Variants in LYPD1 observed in about 807,000 individuals in gnomAD.
LYPD1 encodes ly6/PLAUR domain-containing protein 1.
A neutral mutation model predicts 14.2 loss-of-function variants in LYPD1; 14 were observed. The ratio of observed to expected loss-of-function variants is 0.99; its 90% CI spans 0.65 to 1.54. LYPD1 has a LOEUF of 1.54. Among genes scored for constraint, LYPD1 ranks in the 40% most tolerant of loss-of-function variants. LYPD1 has a pLI of 0.00. For synonymous variants in LYPD1, 85 were observed against 70.6 expected (o/e 1.20, Z -1.02); for missense variants, 165 against 175.7 (o/e 0.94, Z 0.34).
chr2:132,670,133 G>C lies in LYPD1; in HGVS notation c.-201C>G, dbSNP rs1029539131. The stretch of plus-strand genomic sequence containing the variant: ...CGCCCGCGCTCGGGCTCCCGGCTGC[G>C]GGTCTCTGCTCCTCCCGCTCGCGCT... On this transcript the variant is annotated 5_prime_UTR_variant, in exon 1 of 3. Coordinates refer to ENST00000397463, the MANE Select transcript of LYPD1 (RefSeq NM_144586.7). This position sits in a 1 kb window ranked among gnomAD's most constrained non-coding sequence, Gnocchi z 4.5. 3.6e-6 allele frequency: 5 copies of C among 1,400,334 alleles called. No homozygotes were observed. Among genetic ancestry groups the C allele is most frequent in the Admixed American group, 3.2e-5 (1 of 30,974 alleles). 86.7% of individuals were successfully genotyped at this position (1,400,334 alleles called of 1,614,324 possible).
intron 2 of LYPD1, among the ~76,000 whole-genome samples, chr2:132,666,313 T>C (rs1683269676): frequency 6.6e-6 from 1 of 152,204 alleles, no homozygotes; most frequent in Non-Finnish European, 1.5e-5. Flanking sequence ...CCCTGGACAT[T>C]GCTCTTTTGA....
rs769557799 is a variant in LYPD1 at position 132,645,150 on chromosome 2, G to A, written c.*895C>T. On this transcript the variant is annotated 3_prime_UTR_variant, in exon 3 of 3. Transcript: ENST00000397463. ...TATGCTGGATGCCCAACCAGATTCG[G>A]AGGATCATGGCTGCGGCCAAACCCA... 39 of 1,614,038 alleles carry A rather than the reference G, an allele frequency of 2.4e-5. No homozygotes were observed. Among genetic ancestry groups the A allele is most frequent in the Admixed American group, 3.3e-5 (2 of 60,010 alleles).
Position 132,646,069 on chromosome 2 carries a change from T to C in LYPD1, c.402A>G (p.Leu134=), listed in dbSNP as rs1440738621. 17 of 1,588,448 alleles carry C rather than the reference T, an allele frequency of 1.1e-5. No individual in the cohort carries two copies. Among genetic ancestry groups the C allele is most frequent in the Non-Finnish European group, 1.5e-5 (17 of 1,165,984 alleles). Reference sequence around the variant, plus strand: ...TTCAGCAGTGTGCCGAGAAGAGGGCTAATTTGAGGAACAGGATGGTGGTGC... The same window carrying C: ...TTCAGCAGTGTGCCGAGAAGAGGGCCAATTTGAGGAACAGGATGGTGGTGC... ...GLRTTILFLK[L]ALFSAHC Residue 134 remains leucine (L), a synonymous_variant, in exon 3 of 3, where the codon TTA becomes TTG. Coordinates refer to ENST00000397463, the MANE Select transcript of LYPD1 (RefSeq NM_144586.7).
chr2:132,659,492 A>G (rs936139952), intron 2 of LYPD1, among the ~76,000 whole-genome samples: 4 of 152,228 alleles, frequency 2.6e-5, no homozygotes, highest in African/African-American at 4.8e-5. Flanking sequence ...AAATACTGAG[A>G]GGATGTGATG....
At position 132,668,418 on chromosome 2, in the gene LYPD1, C is replaced by G; in HGVS notation, c.172G>C (p.Val58Leu). 6.2e-7 allele frequency: 1 copy of G among 1,606,802 alleles called. No individual in the cohort carries two copies. Among genetic ancestry groups the G allele is most frequent in the South Asian group, 1.1e-5 (1 of 89,636 alleles). ...VNVQDMCQKE[V>L]MEQSAGIMYR... ...CTCTTACCGGCACTTTGCTCCATCA[C>G]TTCTTTCTGACACATGTCTTGAACG... The change falls in exon 2 of 3, where the codon GTG becomes CTG. Residue 58 changes from valine (V) to leucine (L), a missense_variant. By Grantham distance (32) the Val-to-Leu change is conservative (BLOSUM62 1). Transcript: ENST00000397463.
At position 132,669,948 on chromosome 2, in the gene LYPD1, G is replaced by C. The variant is rs1305379886; in HGVS notation, c.-16C>G. 1 of 1,611,548 alleles carries C rather than the reference G, an allele frequency of 6.2e-7. No homozygotes were observed. The highest frequency in any genetic ancestry group is 8.5e-7 in the Non-Finnish European group (1 of 1,179,246). On this transcript the variant is annotated 5_prime_UTR_variant, in exon 1 of 3. Coordinates refer to ENST00000397463, the MANE Select transcript of LYPD1 (RefSeq NM_144586.7). The surrounding 1 kb of genome is among the most constrained non-coding windows in gnomAD (Gnocchi z 4.3). ...GGACCCACATTCTCCCGGAGTCCCG[G>C]GGCCGGGAGAGGGCAAGCGCATCAG...
chr2:132,656,944 A>G (rs191061371), intron 2 of LYPD1, among the ~76,000 whole-genome samples: 13 of 152,350 alleles, frequency 8.5e-5, no homozygotes, highest in African/African-American at 1.9e-4. Context: ...AGGGGCTGCA[A>G]TGATCCCTAA....
chr2:132,648,134 A>G (rs1455174334), intron 2 of LYPD1, among the ~76,000 whole-genome samples: 3 of 152,232 alleles, frequency 2.0e-5, no homozygotes, highest in Non-Finnish European at 4.4e-5. Context: ...CATAGTCTCT[A>G]CATTTGCCAT....
At chr2:132,660,302 CTCTAT>C (rs1488209022) in intron 2 of LYPD1, among the ~76,000 whole-genome samples, 1 of 152,216 alleles carries the variant, frequency 6.6e-6, no homozygotes, top group Non-Finnish European at 1.5e-5. Context: ...GCCATCGCTG[CTCTAT>C]TCTATTTAAA....
At chr2:132,647,724 C>CTGTT (rs1428304880) in intron 2 of LYPD1, among the ~76,000 whole-genome samples, 3 of 152,304 alleles carry the variant, frequency 2.0e-5, no homozygotes, top group East Asian at 1.9e-4. Context: ...GGTCTTAATC[C>CTGTT]TGTTTGCTGC....
At chr2:132,659,308 G>T (rs1421925588) in intron 2 of LYPD1, among the ~76,000 whole-genome samples, 3 of 152,128 alleles carry the variant, frequency 2.0e-5, no homozygotes, top group African/African-American at 7.2e-5. Flanking sequence ...CCATACCAGT[G>T]AGTGTGTGTG....
At position 132,644,324 on chromosome 2, in the gene LYPD1, C is replaced by T. The variant is rs144225141; in HGVS notation, c.*1721G>A. Among the ~76,000 whole-genome samples the T allele has an allele frequency of 4.6e-3, 704 of 152,334 alleles. 5 individuals are homozygous for T. The highest frequency in any genetic ancestry group is 0.016 in the African/African-American group (670 of 41,584). On this transcript the variant is annotated 3_prime_UTR_variant, in exon 3 of 3. Coordinates refer to ENST00000397463, the MANE Select transcript of LYPD1 (RefSeq NM_144586.7). ...TCTCTAGGGCCTGATTGCTTCTGGG[C>T]TGTTGACAGCACAGCTCAGTGCTGC...
At chr2:132,666,407 C>T (rs1229066409) in intron 2 of LYPD1, among the ~76,000 whole-genome samples, 1 of 152,186 alleles carries the variant, frequency 6.6e-6, no homozygotes, top group Non-Finnish European at 1.5e-5. Flanking sequence ...CCCGACCTAG[C>T]ATCCTTCCCT....
intron 2 of LYPD1, among the ~76,000 whole-genome samples, chr2:132,659,917 T>C (rs10200605): frequency 0.12 from 18,622 of 152,238 alleles, 3,783 homozygotes; most frequent in African/African-American, 0.42. Flanking sequence ...GAACAGTGCA[T>C]AAACCCCCTT....
intron 2 of LYPD1, among the ~76,000 whole-genome samples, chr2:132,656,434 C>T (rs2104910560): frequency 6.6e-6 from 1 of 152,238 alleles, no homozygotes; most frequent in South Asian, 2.1e-4. Flanking sequence ...AAGAAAAATG[C>T]TTGGGGAACG....
At chr2:132,647,054 C>T (rs140689756) in intron 2 of LYPD1, among the ~76,000 whole-genome samples, 4 of 152,334 alleles carry the variant, frequency 2.6e-5, no homozygotes, top group East Asian at 1.9e-4. Flanking sequence ...GTGTCTTAAT[C>T]ATAAGGTGGA....
chr2:132,665,597 T>C (rs1197168112), intron 2 of LYPD1, among the ~76,000 whole-genome samples: 3 of 152,220 alleles, frequency 2.0e-5, no homozygotes, highest in African/African-American at 7.2e-5. Context: ...AGCAAAGGTG[T>C]TGGCCTGAGA....
Position 132,645,876 on chromosome 2 carries a change from A to C in LYPD1, c.*169T>G, listed in dbSNP as rs1682042822. The C allele has an allele frequency of 1.5e-6, 1 of 658,808 alleles. No homozygotes were observed. The highest frequency in any genetic ancestry group is 2.5e-6 in the Non-Finnish European group (1 of 394,604). The allele number at this position is 658,808 out of a possible 1,614,324, so 40.8% of individuals were successfully genotyped here. A position where few individuals can be genotyped will look rare whatever the true frequency, so the allele number is the denominator to read the frequency against. ...ATTCAGTCAGGCTGAATTTATTCAG[A>C]ATGCTTTACCGAGCTCTTTCATTAT... On this transcript the variant is annotated 3_prime_UTR_variant, in exon 3 of 3. Transcript: ENST00000397463.
chr2:132,652,846 G>T (rs1014011440), intron 2 of LYPD1, among the ~76,000 whole-genome samples: 2 of 152,122 alleles, frequency 1.3e-5, no homozygotes, highest in Non-Finnish European at 2.9e-5. Context: ...ACCACAAATT[G>T]TTCTCCCTGA....
Sources: gnomAD v4.1 joint callset for allele counts (sites outside exome capture counted in the v4.1 genomes callset) on GRCh38, gnomAD v4.1.1 for gene constraint, Gnocchi (gnomAD v3.1) non-coding constraint, MANE v1.5 for transcripts, NCBI Gene and HGNC (gene_info 2026-07-23, HGNC 2026-07-21) for gene names.